The following CDH8 variants were observed in gnomAD, a reference collection of about 807,000 sequenced individuals.
CDH8 encodes the protein cadherin 8, also known as cadherin-8.
CDH8 carries 17 observed loss-of-function variants against 68.1 expected under a neutral mutation model. The observed-to-expected ratio is 0.25, with a 90% CI of 0.17 to 0.37. CDH8 has a LOEUF of 0.37. Among genes scored for constraint, CDH8 ranks in the 10% least tolerant of loss-of-function variants. CDH8 has a pLI of 1.00. For synonymous variants in CDH8, 372 were observed against 365.1 expected, an observed-to-expected ratio of 1.02 and a Z score of -0.21; for missense variants, 763 against 999.3, an observed-to-expected ratio of 0.76 and a Z score of 3.19.
intron 10 of CDH8, among the ~76,000 whole-genome samples, chr16:61,660,888 G>T (rs1189960613): frequency 1.3e-5 from 2 of 152,108 alleles, no homozygotes; most frequent in South Asian, 4.1e-4. Flanking sequence ...GAGAGAATTT[G>T]TCACCAGCAG....
chr16:61,853,013 A>G (rs528231375), intron 4 of CDH8, among the ~76,000 whole-genome samples: 1 of 152,162 alleles, frequency 6.6e-6, no homozygotes, highest in African/African-American at 2.4e-5. Context: ...TGCAAAATCA[A>G]CAAATCATAC....
intron 10 of CDH8, among the ~76,000 whole-genome samples, chr16:61,663,478 G>A (rs1335358718): frequency 2.0e-5 from 3 of 151,892 alleles, no homozygotes; most frequent in African/African-American, 4.8e-5. Context: ...AAATGTATAT[G>A]TTTTATTTCA....
At chr16:61,822,899 C>T (rs919509800) in intron 5 of CDH8, among the ~76,000 whole-genome samples, 1 of 151,768 alleles carries the variant, frequency 6.6e-6, no homozygotes, top group Non-Finnish European at 1.5e-5. Flanking sequence ...TGTGCCTGCT[C>T]CTCATCTCTA....
intron 10 of CDH8, among the ~76,000 whole-genome samples, chr16:61,705,911 A>C (rs779611940): frequency 1.3e-5 from 2 of 152,220 alleles, no homozygotes; most frequent in Non-Finnish European, 2.9e-5. Context: ...CAGAGTCCTG[A>C]GGAAAACAAA....
chr16:61,771,443 C>T (rs1054787407), intron 8 of CDH8, among the ~76,000 whole-genome samples: 7 of 116,566 alleles, frequency 6.0e-5, no homozygotes, highest in South Asian at 2.8e-4. Flanking sequence ...ACACACAAAT[C>T]TAATGACAAG....
At position 61,871,635 on chromosome 16, in the gene CDH8, A is replaced by C. The variant is rs148096436; in HGVS notation, c.548-14397T>G. Among the ~76,000 whole-genome samples the C allele has an allele frequency of 2.3e-4, 35 of 151,890 alleles. No homozygotes were observed. In the East Asian group the frequency reaches 3.3e-3, roughly 14 times the overall value. On this transcript the variant is annotated intron_variant, in intron 3 of 11. Coordinates refer to ENST00000577390, the MANE Select transcript of CDH8 (RefSeq NM_001796.5). The stretch of plus-strand genomic sequence containing the variant: ...AAAATAGGACACACAAAATGAAAAC[A>C]ACCAATGGGAAATGTGAGAAAACCT...
At chr16:61,850,788 T>C (rs1962923040) in intron 4 of CDH8, among the ~76,000 whole-genome samples, 1 of 151,972 alleles carries the variant, frequency 6.6e-6, no homozygotes, top group African/African-American at 2.4e-5. Flanking sequence ...ATCACTACTC[T>C]AAAAAATACT....
chr16:61,703,874 T>A (rs1034596186), intron 10 of CDH8, among the ~76,000 whole-genome samples: 3 of 152,112 alleles, frequency 2.0e-5, no homozygotes, highest in African/African-American at 7.2e-5. Context: ...ATATATATTA[T>A]ATGTATTGAT....
Position 61,647,886 on chromosome 16 carries a change from A to C in CDH8, c.*5722T>G. ...ATTCCTCCTAGCAACCCTCTTCTGT[A>C]ATCTGTGGATAATAATAGAAATATC... On this transcript the variant is annotated 3_prime_UTR_variant, in exon 12 of 12. Coordinates refer to ENST00000577390, the MANE Select transcript of CDH8 (RefSeq NM_001796.5). The C allele has an allele frequency of 4.3e-6, 3 of 698,420 alleles. No individual in the cohort carries two copies. Among genetic ancestry groups the C allele is most frequent in the African/African-American group, 1.8e-5 (1 of 57,072 alleles). 43.3% of individuals were successfully genotyped at this position (698,420 alleles called of 1,614,324 possible).
At chr16:61,837,436 A>T (rs1218911249) in intron 4 of CDH8, among the ~76,000 whole-genome samples, 1 of 152,110 alleles carries the variant, frequency 6.6e-6, no homozygotes, top group East Asian at 1.9e-4. Flanking sequence ...TAAGGAAAAG[A>T]AGCGGGATGA....
rs911961755 is a variant in CDH8, at chr16:61,650,749, G to C, written c.*2859C>G. On this transcript the variant is annotated 3_prime_UTR_variant, in exon 12 of 12. Transcript: ENST00000577390. ...AGAGAGAGAAAGAGAGAAAGAGAGA[G>C]ATAGTTCCTGAGATTTTTAGTTTAA... 1 of 149,150 alleles carries C rather than the reference G, an allele frequency of 6.7e-6. No homozygotes were observed. The highest frequency in any genetic ancestry group is 2.5e-5 in the African/African-American group (1 of 39,900). 9.2% of individuals were successfully genotyped at this position (149,150 alleles called of 1,614,324 possible). A position where few individuals can be genotyped will look rare whatever the true frequency, so the allele number is the denominator to read the frequency against.
intron 7 of CDH8, among the ~76,000 whole-genome samples, chr16:61,798,807 T>A (rs1027314439): frequency 2.0e-5 from 3 of 152,224 alleles, no homozygotes; most frequent in Admixed American, 2.0e-4. Context: ...ACATGTTCAA[T>A]TACTCTATAT....
chr16:62,008,630 G>A (rs1169722585), intron 2 of CDH8, among the ~76,000 whole-genome samples: 1 of 152,042 alleles, frequency 6.6e-6, no homozygotes, highest in African/African-American at 2.4e-5. Flanking sequence ...GCTTCCCAAT[G>A]TGCTGAGATT....
At chr16:61,708,758 C>G (rs925027425) in intron 10 of CDH8, among the ~76,000 whole-genome samples, 3 of 152,150 alleles carry the variant, frequency 2.0e-5, no homozygotes, top group Admixed American at 2.0e-4. Context: ...GAATCGGAAG[C>G]CTTTTTGGAT....
At chr16:61,830,877 G>T (rs900341910) in intron 4 of CDH8, among the ~76,000 whole-genome samples, 1 of 151,834 alleles carries the variant, frequency 6.6e-6, no homozygotes, top group Non-Finnish European at 1.5e-5. Context: ...AGAGTATTGA[G>T]TTGATAAAAT....
At chr16:61,910,671 G>A (rs1021846687) in intron 2 of CDH8, among the ~76,000 whole-genome samples, 7 of 152,144 alleles carry the variant, frequency 4.6e-5, no homozygotes, top group South Asian at 2.1e-4. Flanking sequence ...TTAAAGGCAC[G>A]ATATGTCCCA....
intron 2 of CDH8, among the ~76,000 whole-genome samples, chr16:62,008,408 A>G (rs1166750854): frequency 2.6e-5 from 4 of 152,022 alleles, no homozygotes; most frequent in South Asian, 2.1e-4. Context: ...GAGAGTCTCC[A>G]TGTTTATTGT....
chr16:61,653,098 C>G lies in CDH8; in HGVS notation c.*510G>C. The G allele has an allele frequency of 6.4e-6, 8 of 1,255,606 alleles. No individual in the cohort carries two copies. The highest frequency in any genetic ancestry group is 8.0e-6 in the Non-Finnish European group (8 of 1,001,074). 77.8% of individuals were successfully genotyped at this position (1,255,606 alleles called of 1,614,324 possible). A position where few individuals can be genotyped will look rare whatever the true frequency, so the allele number is the denominator to read the frequency against. On this transcript the variant is annotated 3_prime_UTR_variant, in exon 12 of 12. Coordinates refer to ENST00000577390, the MANE Select transcript of CDH8 (RefSeq NM_001796.5). ...GTACTGTATAATCTAGGAGGCCTCT[C>G]AAAACTCCAAAAAGTTATAATGTAC...
chr16:61,986,255 C>T (rs1965625706), intron 2 of CDH8, among the ~76,000 whole-genome samples: 1 of 152,080 alleles, frequency 6.6e-6, no homozygotes, highest in African/African-American at 2.4e-5. Context: ...TGACTATCCT[C>T]ATTCTAATAA....
Sources: allele counts gnomAD v4.1 joint callset (sites outside exome capture counted in the v4.1 genomes callset), GRCh38; gene constraint gnomAD v4.1.1; transcripts MANE v1.5; gene names NCBI Gene and HGNC (gene_info 2026-07-23, HGNC 2026-07-21).